The following THOP1 variants were observed in gnomAD, a reference collection of about 807,000 sequenced individuals.
THOP1 encodes thimet oligopeptidase 1.
In THOP1, 49 loss-of-function variants were observed where a neutral mutation model predicts 71.8. The ratio of observed to expected loss-of-function variants is 0.68; its 90% CI spans 0.54 to 0.87. The LOEUF (loss-of-function observed/expected upper bound fraction) is 0.87. THOP1 is among the 40% of genes least tolerant of loss of function. The pLI, the probability that THOP1 is intolerant of heterozygous loss-of-function variation, is 0.00. For synonymous variants in THOP1, 426 were observed against 421.5 expected, an observed-to-expected ratio of 1.01 and a Z score of -0.13; for missense variants, 843 against 975.6, an observed-to-expected ratio of 0.86 and a Z score of 1.81.
At position 2,790,544 on chromosome 19, in the gene THOP1, T is replaced by A. The variant is rs772738805; in HGVS notation, c.140T>A (p.Val47Glu). 5.0e-6 allele frequency: 8 copies of A among 1,607,848 alleles called. No individual in the cohort carries two copies. Among genetic ancestry groups the A allele is most frequent in the Non-Finnish European group, 6.8e-6 (8 of 1,177,458 alleles). The change falls in exon 2 of 13, where the codon GTG (valine) becomes GAG (glutamate). Residue 47 changes from valine to glutamate, a missense_variant. By Grantham distance (121) the Val-to-Glu change is moderately radical. Coordinates refer to ENST00000307741, the MANE Select transcript of THOP1 (RefSeq NM_003249.5). ...GAGCTCATCGAGCAGACCAAGCGCG[T>A]GTATGACCAGGTTGGCACCCAGGAG... Reference protein sequence around the residue: ...TRELIEQTKRVYDQVGTQEFE... With the variant: ...TRELIEQTKREYDQVGTQEFE...
At chr19:2,791,940 C>T (rs1447552687) in intron 2 of THOP1, among the ~76,000 whole-genome samples, 1 of 152,236 alleles carries the variant, frequency 6.6e-6, no homozygotes, top group East Asian at 1.9e-4. Flanking sequence ...TGGCACCCTC[C>T]CCCAGCCAGG....
At position 2,808,227 on chromosome 19, in the gene THOP1, C is replaced by A; in HGVS notation, c.1254-16C>A. On this transcript the variant is annotated splice_polypyrimidine_tract_variant and intron_variant, in intron 8 of 12. Transcript: ENST00000307741. Reference sequence around the variant, plus strand: ...TCTCTAGTCCCTGCGGGGCCTGACGCTGCCTCCCTCCCCAGGGAAGGAAAG... The same window carrying A: ...TCTCTAGTCCCTGCGGGGCCTGACGATGCCTCCCTCCCCAGGGAAGGAAAG... 1 of 1,545,670 alleles carries A rather than the reference C, an allele frequency of 6.5e-7. No individual in the cohort carries two copies. Among genetic ancestry groups the A allele is most frequent in the African/African-American group, 1.4e-5 (1 of 73,078 alleles).
intron 5 of THOP1, among the ~76,000 whole-genome samples, chr19:2,803,080 G>C (rs1916195646): frequency 6.6e-6 from 1 of 152,174 alleles, no homozygotes; most frequent in African/African-American, 2.4e-5. Context: ...CTTACTGTTG[G>C]ACATGTGATG....
At chr19:2,786,449 G>A (rs1414229225) in intron 1 of THOP1, among the ~76,000 whole-genome samples, 1 of 151,982 alleles carries the variant, frequency 6.6e-6, no homozygotes, top group Non-Finnish European at 1.5e-5. Context: ...TGTTGCCCAG[G>A]CTGGTCTTGA....
At position 2,805,044 on chromosome 19, in the gene THOP1, C is replaced by G. The variant is rs1382299071; in HGVS notation, c.618C>G (p.Ser206=). Residue 206 remains serine (S), a synonymous_variant, in exon 6 of 13, where the codon TCC becomes TCG. Coordinates refer to ENST00000307741, the MANE Select transcript of THOP1 (RefSeq NM_003249.5). This position sits in a 1 kb window ranked among gnomAD's most constrained non-coding sequence, Gnocchi z 6.6. ...LGGLPEDFLN[S]LEKMEDGKLK... is the part of the protein sequence containing the mutation. ...GGCTCCCCGAGGACTTTCTGAACTCCCTGGAGAAGATGGAGGACGGCAAGT... is the reference window on the plus strand; with the variant it reads ...GGCTCCCCGAGGACTTTCTGAACTCGCTGGAGAAGATGGAGGACGGCAAGT... 6.2e-7 allele frequency: 1 copy of G among 1,612,716 alleles called. No individual in the cohort carries two copies. Among genetic ancestry groups the G allele is most frequent in the Admixed American group, 1.7e-5 (1 of 59,954 alleles).
Position 2,810,332 on chromosome 19 carries a change from A to G in THOP1, c.1484A>G (p.His495Arg). 1 of 1,611,744 alleles carries G rather than the reference A, an allele frequency of 6.2e-7. No individual in the cohort carries two copies. The highest frequency in any genetic ancestry group is 8.5e-7 in the Non-Finnish European group (1 of 1,179,682). Reference protein sequence around the residue: ...QAEFAMFSGTHVERDFVEAPS... With the variant: ...QAEFAMFSGTRVERDFVEAPS... ...GAGTTCGCCATGTTCAGCGGGACCC[A>G]CGTGGAGCGGGACTTTGTGGAGGCG... Residue 495 changes from histidine (H) to arginine (R), a missense_variant, in exon 10 of 13, where the codon CAC (histidine) becomes CGC (arginine). Coordinates refer to ENST00000307741, the MANE Select transcript of THOP1 (RefSeq NM_003249.5).
In THOP1 at chr19:2,795,983, C is replaced by T. The variant is rs554279399; in HGVS notation, c.379-98C>T. 141 of 879,266 alleles carry T rather than the reference C, an allele frequency of 1.6e-4. 1 individual carries two copies. The African/African-American group carries it at 2.0e-3, about 13-fold the overall frequency. The allele number at this position is 879,266 out of a possible 1,614,324, so 54.5% of individuals were successfully genotyped here. Reference sequence around the variant, plus strand: ...CCAGGAGTGCAGTTGCCAAGTCACACGGGGGCCGGATGATCAGGTTTTTAA... The same window carrying T: ...CCAGGAGTGCAGTTGCCAAGTCACATGGGGGCCGGATGATCAGGTTTTTAA... On this transcript the variant is annotated intron_variant, in intron 3 of 12. Coordinates refer to ENST00000307741, the MANE Select transcript of THOP1 (RefSeq NM_003249.5).
At chr19:2,800,040 C>T (rs1481900861) in intron 5 of THOP1, among the ~76,000 whole-genome samples, 2 of 152,252 alleles carry the variant, frequency 1.3e-5, no homozygotes, top group Non-Finnish European at 2.9e-5. Flanking sequence ...CAAGATTCCA[C>T]CCTGATAGAA....
At chr19:2,788,604 G>T (rs1915805612) in intron 1 of THOP1, among the ~76,000 whole-genome samples, 1 of 152,146 alleles carries the variant, frequency 6.6e-6, no homozygotes, top group Admixed American at 6.5e-5. Flanking sequence ...TCAGCCTCCT[G>T]AGCAGCTAGG....
rs758540191 is a variant in THOP1 at position 2,810,506 on chromosome 19, C to T, written c.1642+16C>T. On this transcript the variant is annotated intron_variant, in intron 10 of 12. Transcript: ENST00000307741. ...GCCAACACAGGTGCACCCGCCCCGT[C>T]CGGGGAAGGGTGCTAACCTCGGGGG... The T allele has an allele frequency of 7.1e-6, 11 of 1,544,986 alleles. No homozygotes were observed. In the African/African-American group the frequency reaches 1.4e-4, roughly 19 times the overall value.
chr19:2,813,358 T>A lies in THOP1; in HGVS notation c.*82T>A. On this transcript the variant is annotated 3_prime_UTR_variant, in exon 13 of 13. Transcript: ENST00000307741. ...GCCCCCGGCACAGGATGGGGCAGGC[T>A]CTGGCACAGTGCCTGGGACTGGCAG... 2.1e-6 allele frequency: 3 copies of A among 1,428,658 alleles called. No individual in the cohort carries two copies. Among genetic ancestry groups the A allele is most frequent in the Non-Finnish European group, 2.8e-6 (3 of 1,072,502 alleles). The allele number at this position is 1,428,658 out of a possible 1,614,324, so 88.5% of individuals were successfully genotyped here.
chr19:2,807,788 C>T lies in THOP1; in HGVS notation c.1233C>T (p.Phe411=). ...CCTCGGGGGAGGTGGTCGGCAAGTT[C>T]TACCTGGACCTGTACCCGCGGTGGG... ...DAASGEVVGK[F]YLDLYPREGK... is the part of the protein sequence containing the mutation. The change falls in exon 8 of 13, where the codon TTC becomes TTT. Residue 411 remains phenylalanine (F), a synonymous_variant. Coordinates refer to ENST00000307741, the MANE Select transcript of THOP1 (RefSeq NM_003249.5). 6.6e-7 allele frequency: 1 copy of T among 1,517,464 alleles called. No homozygotes were observed. The highest frequency in any genetic ancestry group is 8.8e-7 in the Non-Finnish European group (1 of 1,131,842). The allele number at this position is 1,517,464 out of a possible 1,614,324, so 94.0% of individuals were successfully genotyped here.
intron 9 of THOP1, among the ~76,000 whole-genome samples, chr19:2,808,657 G>A (rs1309050447): frequency 6.6e-6 from 1 of 152,264 alleles, no homozygotes; most frequent in African/African-American, 2.4e-5. Flanking sequence ...CTTACACAAG[G>A]TGCGTGTATT....
intron 4 of THOP1, among the ~76,000 whole-genome samples, chr19:2,798,294 C>A (rs1451614235): frequency 2.0e-5 from 3 of 152,104 alleles, no homozygotes; most frequent in African/African-American, 7.2e-5. Flanking sequence ...GCCTCCCAAA[C>A]TGCTGGGATT....
chr19:2,797,537 G>A (rs989859002), intron 4 of THOP1, among the ~76,000 whole-genome samples: 2 of 152,226 alleles, frequency 1.3e-5, no homozygotes, highest in Admixed American at 6.5e-5. Context: ...ACTGAAAACC[G>A]AAGTTACATG....
chr19:2,813,021 G>A lies in THOP1; in HGVS notation c.1909-94G>A, dbSNP rs557768648. On this transcript the variant is annotated intron_variant, in intron 12 of 12. Transcript: ENST00000307741. ...CTGGGAACCTGGAAGGGGTTGCTCC[G>A]AGGCCCCCCTGGGCGAGGGTGTGCA... is the stretch of plus-strand genomic sequence containing the variant. 146 of 1,438,926 alleles carry A rather than the reference G, an allele frequency of 1.0e-4. No homozygotes were observed. The African/African-American group carries it at 1.4e-3, about 13-fold the overall frequency. The allele number at this position is 1,438,926 out of a possible 1,614,324, so 89.1% of individuals were successfully genotyped here. A position where few individuals can be genotyped will look rare whatever the true frequency, so the allele number is the denominator to read the frequency against.
rs745753858 is a variant in THOP1 at position 2,808,225 on chromosome 19, C to T, written c.1254-18C>T. On this transcript the variant is annotated intron_variant, in intron 8 of 12. Coordinates refer to ENST00000307741, the MANE Select transcript of THOP1 (RefSeq NM_003249.5). ...TGTCTCTAGTCCCTGCGGGGCCTGA[C>T]GCTGCCTCCCTCCCCAGGGAAGGAA... 7.2e-5 allele frequency: 111 copies of T among 1,545,356 alleles called. No homozygotes were observed. The highest frequency in any genetic ancestry group is 8.8e-5 in the Non-Finnish European group (101 of 1,143,576).
rs575056412 is a variant in THOP1, at chr19:2,801,683, A to G, written c.589+1892A>G. On this transcript the variant is annotated intron_variant, in intron 5 of 12. Transcript: ENST00000307741. The surrounding 1 kb of genome is among the most constrained non-coding windows in gnomAD (Gnocchi z 5.1). ...ACTTGTCACAGCTCTGGAGGCTGAG[A>G]AGTCCCAGGTCGAGGGGCCATATCT... Among the ~76,000 whole-genome samples the G allele has an allele frequency of 3.3e-5, 5 of 152,270 alleles. No homozygotes were observed. Among genetic ancestry groups the G allele is most frequent in the African/African-American group, 9.6e-5 (4 of 41,544 alleles).
chr19:2,803,785 C>G (rs1916217157), intron 5 of THOP1, among the ~76,000 whole-genome samples: 1 of 152,286 alleles, frequency 6.6e-6, no homozygotes, highest in Middle Eastern at 3.4e-3. Flanking sequence ...ACAGGACTCT[C>G]AGCTCCCTCA....
Sources: allele counts gnomAD v4.1 joint callset (sites outside exome capture counted in the v4.1 genomes callset), GRCh38; gene constraint gnomAD v4.1.1; non-coding constraint Gnocchi (gnomAD v3.1); transcripts MANE v1.5; gene names NCBI Gene and HGNC (gene_info 2026-07-23, HGNC 2026-07-21).